The following CLIP2 variants were observed in gnomAD, a reference collection of about 807,000 sequenced individuals.
The protein encoded by CLIP2 is CAP-Gly domain containing linker protein 2.
In CLIP2, 41 loss-of-function variants were observed where a neutral mutation model predicts 111.7. That is an observed-to-expected ratio of 0.37 (90% CI 0.29 to 0.48). CLIP2 has a LOEUF of 0.48. Among genes scored for constraint, CLIP2 ranks in the 20% least tolerant of loss-of-function variants. The pLI is 0.99. For synonymous variants in CLIP2, 660 were observed against 644.2 expected (o/e 1.02, Z -0.37); for missense variants, 1,160 against 1,422.1 (o/e 0.82, Z 2.96).
chr7:74,389,291 C>T, intron 13 of CLIP2, 32 bp downstream of exon 13: 2 of 1,531,622 alleles, frequency 1.3e-6, no homozygotes, highest in Non-Finnish European at 1.8e-6. Context: ...CTGGGTCCTC[C>T]CTGTGGCCCT....
Position 74,353,885 on chromosome 7 carries a change from C to A in CLIP2, c.684C>A (p.Gly228=). Residue 228 remains glycine (G), a synonymous_variant, in exon 4 of 17, where the codon GGC becomes GGA. Coordinates refer to ENST00000223398, the MANE Select transcript of CLIP2 (RefSeq NM_003388.5). ...DLRLGDRVLV[G]GTKTGVVRYV... is the part of the protein sequence containing the mutation. The stretch of plus-strand genomic sequence containing the variant: ...GTCTCCCTGTGTGCCGACAGGTTGG[C>A]GGGACGAAGACTGGCGTGGTGCGGT... The A allele has an allele frequency of 6.2e-7, 1 of 1,614,086 alleles. No individual in the cohort carries two copies. Among genetic ancestry groups the A allele is most frequent in the Non-Finnish European group, 8.5e-7 (1 of 1,179,980 alleles).
At chr7:74,335,270 CAAAA>C (rs36136697) in intron 2 of CLIP2, among the ~76,000 whole-genome samples, 3 of 99,892 alleles carry the variant, frequency 3.0e-5, no homozygotes, top group African/African-American at 1.3e-4. Context: ...GACTCCATCT[CAAAA>C]AAAAAAAAAA....
rs562749590 is a variant in CLIP2, at chr7:74,335,461, C to T, written c.122-2987C>T. On this transcript the variant is annotated intron_variant, in intron 2 of 16. Coordinates refer to ENST00000223398, the MANE Select transcript of CLIP2 (RefSeq NM_003388.5). ...CCTCCTGTTTCAGCTTCCCGAGTAG[C>T]TGGGATTACAGGCTGCATAACTGCA... 2.6e-5 allele frequency among the ~76,000 whole-genome samples: 4 copies of T among 152,026 alleles called. No individual in the cohort carries two copies. In the South Asian group the frequency reaches 8.4e-4, roughly 32 times the overall value.
chr7:74,361,176 TTTCCTTCCTTCCTTCC>T (rs61684239), intron 7 of CLIP2, among the ~76,000 whole-genome samples: 1 of 62,016 alleles, frequency 1.6e-5, no homozygotes, highest in Non-Finnish European at 3.3e-5. Flanking sequence ...CCCTCCCTTC[TTTCCTTCCTTCCTTCC>T]TTCCTTCCTT....
At chr7:74,331,634 C>T (rs1428891273) in intron 2 of CLIP2, among the ~76,000 whole-genome samples, 2 of 128,608 alleles carry the variant, frequency 1.6e-5, no homozygotes, top group Non-Finnish European at 3.1e-5. Flanking sequence ...AGTGCAGTGG[C>T]GTGATCTCGG....
In CLIP2 at chr7:74,404,399, C is replaced by T. The variant is rs1410683454; in HGVS notation, c.*551C>T. On this transcript the variant is annotated 3_prime_UTR_variant, in exon 17 of 17. Transcript: ENST00000223398. ...TTGTCCCCACCTTCTGAACCTTCTT[C>T]AAACAGTAGTACAAGCTCCCCTCAG... 1 of 159,222 alleles carries T rather than the reference C, an allele frequency of 6.3e-6. No homozygotes were observed. Among genetic ancestry groups the T allele is most frequent in the Non-Finnish European group, 1.4e-5 (1 of 71,902 alleles). 9.9% of individuals were successfully genotyped at this position (159,222 alleles called of 1,614,324 possible). A position where few individuals can be genotyped will look rare whatever the true frequency, so the allele number is the denominator to read the frequency against.
intron 4 of CLIP2, 50 bp downstream of exon 4, chr7:74,354,054 G>A: frequency 6.4e-7 from 1 of 1,563,952 alleles, no homozygotes; most frequent in East Asian, 2.3e-5. Flanking sequence ...CTCTCCCCAG[G>A]GTGGGCGCAG....
Position 74,320,508 on chromosome 7 carries a change from C to T in CLIP2, c.121+2841C>T, listed in dbSNP as rs147761271. Among the ~76,000 whole-genome samples the T allele has an allele frequency of 1.6e-4, 24 of 152,158 alleles. No homozygotes were observed. The East Asian group carries it at 4.0e-3, about 26-fold the overall frequency. ...CTGCACTCCAACCTGGGTGACCCAGCGAGACCCTGACTCAAAAACAAAACA... is the reference window on the plus strand; with the variant it reads ...CTGCACTCCAACCTGGGTGACCCAGTGAGACCCTGACTCAAAAACAAAACA... On this transcript the variant is annotated intron_variant, in intron 2 of 16. Transcript: ENST00000223398.
In CLIP2 at chr7:74,390,099, AAAAG is replaced by A. The variant is rs782212797; in HGVS notation, c.2720+860_2720+863del. 4.8e-3 allele frequency among the ~76,000 whole-genome samples: 704 copies of A among 146,672 alleles called. 2 individuals are homozygous for A. The highest frequency in any genetic ancestry group is 8.8e-3 in the Non-Finnish European group (590 of 67,062). On this transcript the variant is annotated intron_variant, in intron 13 of 16. Coordinates refer to ENST00000223398, the MANE Select transcript of CLIP2 (RefSeq NM_003388.5). ...CAAAACCCTGTCTCTTTAAAAAAAA[AAAAG>A]AAAGAAAGAAAGAAAGAAAAGAGAG...
intron 1 of CLIP2, among the ~76,000 whole-genome samples, chr7:74,292,839 G>A (rs1554725577): frequency 1.3e-5 from 2 of 152,224 alleles, no homozygotes; most frequent in African/African-American, 2.4e-5. Context: ...TGGGAGGCAT[G>A]CTTCCTTCGG....
rs74940677 is a variant in CLIP2 at position 74,292,952 on chromosome 7, C to T, written c.-68+3218C>T. Among the ~76,000 whole-genome samples the T allele has an allele frequency of 7.6e-3, 1,152 of 152,314 alleles. 12 individuals carry two copies. The highest frequency in any genetic ancestry group is 0.024 in the African/African-American group (1,015 of 41,558). On this transcript the variant is annotated intron_variant, in intron 1 of 16. Transcript: ENST00000223398. Reference sequence around the variant, plus strand: ...TTTGCTCAGGTGCAAAGTCCAAACACGCTATCTAGCTTTTAGGGTCCGCCC... The same window carrying T: ...TTTGCTCAGGTGCAAAGTCCAAACATGCTATCTAGCTTTTAGGGTCCGCCC...
rs569308060 is a variant in CLIP2, at chr7:74,343,151, C to T, written c.678+4147C>T. Among the ~76,000 whole-genome samples, 51 of 151,808 alleles carry T rather than the reference C, an allele frequency of 3.4e-4. No homozygotes were observed. The South Asian group carries it at 8.1e-3, about 24-fold the overall frequency. On this transcript the variant is annotated intron_variant, in intron 3 of 16. Transcript: ENST00000223398. ...TGCAGTGAGCTGAGATGGTGCGGCTCCACTCCAGCCTGGGCAACAGAGCAA... is the reference window on the plus strand; with the variant it reads ...TGCAGTGAGCTGAGATGGTGCGGCTTCACTCCAGCCTGGGCAACAGAGCAA...
chr7:74,381,595 T>C (rs1790949512), intron 11 of CLIP2: 1 of 456,116 alleles, frequency 2.2e-6, no homozygotes, highest in African/African-American at 2.0e-5. Context: ...CAGTGTTAGC[T>C]TCTTTATATC....
intron 2 of CLIP2, among the ~76,000 whole-genome samples, chr7:74,336,657 G>T (rs1425440060): frequency 1.3e-5 from 2 of 152,040 alleles, no homozygotes; most frequent in Non-Finnish European, 2.9e-5. Context: ...TTCAAGATGA[G>T]ATTTGGGTGG....
chr7:74,329,090 T>TC (rs1427438400), intron 2 of CLIP2, among the ~76,000 whole-genome samples: 1 of 144,570 alleles, frequency 6.9e-6, no homozygotes, highest in Non-Finnish European at 1.5e-5. Flanking sequence ...TTTTTTGGTT[T>TC]TTTTTTTTTT....
intron 7 of CLIP2, among the ~76,000 whole-genome samples, chr7:74,362,009 G>A (rs1361275929): frequency 6.6e-6 from 1 of 151,858 alleles, no homozygotes; most frequent in Non-Finnish European, 1.5e-5. Flanking sequence ...GCTGAGGCAG[G>A]AGAATCGCTT....
chr7:74,301,791 C>T (rs1436161180), intron 1 of CLIP2, among the ~76,000 whole-genome samples: 4 of 151,848 alleles, frequency 2.6e-5, no homozygotes, highest in African/African-American at 9.7e-5. Context: ...CGGCTCACTG[C>T]AGCCTCTATC....
At chr7:74,343,300 C>T (rs1012089589) in intron 3 of CLIP2, among the ~76,000 whole-genome samples, 3 of 152,038 alleles carry the variant, frequency 2.0e-5, no homozygotes, top group Admixed American at 6.6e-5. Flanking sequence ...GTTTTGGGAC[C>T]GTCACTCTGC....
chr7:74,392,361 AAAAG>A (rs1791316040), intron 13 of CLIP2, among the ~76,000 whole-genome samples: 1 of 151,078 alleles, frequency 6.6e-6, no homozygotes, highest in Non-Finnish European at 1.5e-5. Context: ...AAAAAAAAAA[AAAAG>A]AAAAGGAAAG....
Sources: allele counts gnomAD v4.1 joint callset (sites outside exome capture counted in the v4.1 genomes callset), GRCh38; gene constraint gnomAD v4.1.1; transcripts MANE v1.5; gene names NCBI Gene and HGNC (gene_info 2026-07-23, HGNC 2026-07-21).